Variants in AFG1L observed in about 807,000 individuals in gnomAD.
AFG1L encodes the protein AFG1 like ATPase.
In AFG1L, 53 loss-of-function variants were observed where a neutral mutation model predicts 62.2. The ratio of observed to expected loss-of-function variants is 0.85; its 90% CI spans 0.68 to 1.07. The LOEUF is 1.07. Ranked by LOEUF, AFG1L falls within the 50% of genes least tolerant of loss-of-function variation. The probability of loss-of-function intolerance (pLI) is 0.00; values close to 1 mark genes in which losing one functional copy is unlikely to be tolerated. For missense variants in AFG1L, 555 were observed against 590.5 expected (o/e 0.94, Z 0.62); for synonymous variants, 228 against 210.3 (o/e 1.08, Z -0.73).
At chr6:108,441,601 T>C (rs948778906) in intron 7 of AFG1L, among the ~76,000 whole-genome samples, 6 of 151,872 alleles carry the variant, frequency 4.0e-5, no homozygotes, top group African/African-American at 9.7e-5. Context: ...CTAGATTCAC[T>C]GTCGACTTGC....
intron 11 of AFG1L, among the ~76,000 whole-genome samples, chr6:108,514,871 T>C (rs1456074555): frequency 6.6e-6 from 1 of 152,140 alleles, no homozygotes; most frequent in Non-Finnish European, 1.5e-5. Context: ...AAACAGACTT[T>C]AAACCAACAA....
intron 5 of AFG1L, among the ~76,000 whole-genome samples, chr6:108,365,095 A>T (rs1276216968): frequency 6.6e-6 from 1 of 152,192 alleles, no homozygotes; most frequent in African/African-American, 2.4e-5. Flanking sequence ...AATGTACTAT[A>T]TCTTGTGGAT....
chr6:108,516,330 T>C (rs968016671), intron 11 of AFG1L, among the ~76,000 whole-genome samples: 1 of 152,246 alleles, frequency 6.6e-6, no homozygotes, highest in Non-Finnish European at 1.5e-5. Flanking sequence ...ATCCCTGGGA[T>C]GCAAGGCTGG....
intron 6 of AFG1L, among the ~76,000 whole-genome samples, chr6:108,385,517 G>GA (rs1368327425): frequency 1.3e-5 from 2 of 152,100 alleles, no homozygotes; most frequent in Admixed American, 6.5e-5. Context: ...ATAATCCATA[G>GA]AAAAAATGCT....
intron 7 of AFG1L, among the ~76,000 whole-genome samples, chr6:108,430,665 A>G (rs1473355994): frequency 1.3e-5 from 2 of 152,246 alleles, no homozygotes; most frequent in South Asian, 2.1e-4. Context: ...CTTTAAAGCT[A>G]TAAAATTAAC....
At chr6:108,505,016 C>G (rs1774341965) in intron 10 of AFG1L, among the ~76,000 whole-genome samples, 1 of 151,616 alleles carries the variant, frequency 6.6e-6, no homozygotes, top group African/African-American at 2.4e-5. Flanking sequence ...TAAGCCAGCC[C>G]TCTCATGGAC....
At chr6:108,458,175 G>A (rs139455646) in intron 8 of AFG1L, among the ~76,000 whole-genome samples, 312 of 152,088 alleles carry the variant, frequency 2.1e-3, no homozygotes, top group African/African-American at 7.3e-3. Context: ...TTGGATGTGT[G>A]GGTTTATAGT....
At chr6:108,317,610 C>T (rs896732095) in intron 1 of AFG1L, among the ~76,000 whole-genome samples, 1 of 152,152 alleles carries the variant, frequency 6.6e-6, no homozygotes, top group African/African-American at 2.4e-5. Context: ...ATTGTAGAAA[C>T]TTGGCCTACA....
intron 7 of AFG1L, among the ~76,000 whole-genome samples, chr6:108,411,871 G>A (rs1189977000): frequency 1.3e-5 from 2 of 152,214 alleles, no homozygotes; most frequent in African/African-American, 4.8e-5. Context: ...AAGGAACGCA[G>A]CTCCTCGCCA....
intron 8 of AFG1L, among the ~76,000 whole-genome samples, chr6:108,449,725 A>G (rs1159159091): frequency 6.6e-6 from 1 of 152,066 alleles, no homozygotes; most frequent in Non-Finnish European, 1.5e-5. Flanking sequence ...AACATTAGGT[A>G]TATCTCCTAA....
At chr6:108,365,830 T>C (rs190884847) in intron 5 of AFG1L, among the ~76,000 whole-genome samples, 48 of 152,064 alleles carry the variant, frequency 3.2e-4, no homozygotes, top group African/African-American at 1.1e-3. Flanking sequence ...AAACAGCCTG[T>C]GTATTTTATT....
chr6:108,406,494 G>A (rs1383894069), intron 7 of AFG1L, among the ~76,000 whole-genome samples: 4 of 152,130 alleles, frequency 2.6e-5, no homozygotes, highest in Non-Finnish European at 5.9e-5. Context: ...CTGGAGTGCG[G>A]TGGCATGATC....
intron 8 of AFG1L, among the ~76,000 whole-genome samples, chr6:108,455,626 A>G (rs1772224738): frequency 6.6e-6 from 1 of 152,152 alleles, no homozygotes. Context: ...AAGCACTTTC[A>G]AACTAAACTT....
chr6:108,501,220 C>T (rs947210124), intron 10 of AFG1L, among the ~76,000 whole-genome samples: 4 of 152,148 alleles, frequency 2.6e-5, no homozygotes, highest in Admixed American at 1.3e-4. Context: ...GTCTTGAACT[C>T]CTGACCCCAT....
intron 1 of AFG1L, among the ~76,000 whole-genome samples, chr6:108,308,580 C>T (rs72936735): frequency 0.048 from 7,295 of 152,150 alleles, 268 homozygotes; most frequent in South Asian, 0.18. Flanking sequence ...GTGATGCAAA[C>T]ATAGCTCACT....
chr6:108,479,158 G>A (rs1208790941), intron 10 of AFG1L, among the ~76,000 whole-genome samples: 1 of 151,920 alleles, frequency 6.6e-6, no homozygotes, highest in Non-Finnish European at 1.5e-5. Context: ...TGCTTGGCTA[G>A]TTTAAAAAGT....
chr6:108,518,247 C>A (rs370065121), intron 11 of AFG1L, among the ~76,000 whole-genome samples: 3 of 152,232 alleles, frequency 2.0e-5, no homozygotes, highest in Non-Finnish European at 2.9e-5. Context: ...AGACTTGGAA[C>A]CAACCCAAAT....
chr6:108,364,263 A>G (rs536870213), intron 5 of AFG1L, among the ~76,000 whole-genome samples: 1 of 152,334 alleles, frequency 6.6e-6, no homozygotes, highest in East Asian at 1.9e-4. Flanking sequence ...AAGAGTATAC[A>G]TTGGCACCCG....
At chr6:108,412,699 A>C (rs1782172232) in intron 7 of AFG1L, among the ~76,000 whole-genome samples, 2 of 152,232 alleles carry the variant, frequency 1.3e-5, no homozygotes, top group Non-Finnish European at 2.9e-5. Flanking sequence ...AAAATCCTTT[A>C]CAGACAAACA....
Sources: allele counts gnomAD v4.1 joint callset (sites outside exome capture counted in the v4.1 genomes callset), GRCh38; gene constraint gnomAD v4.1.1; transcripts MANE v1.5; gene names NCBI Gene and HGNC (gene_info 2026-07-23, HGNC 2026-07-21).